Variants in SGCD observed in about 807,000 individuals in gnomAD.
The protein encoded by SGCD is delta-sarcoglycan.
Under a neutral mutation model 36.6 loss-of-function variants are expected in SGCD, and 18 were observed. That is an observed-to-expected ratio of 0.49 (90% CI 0.34 to 0.73). The LOEUF is 0.73. SGCD is among the 30% of genes least tolerant of loss of function. The probability of loss-of-function intolerance (pLI) is 0.01; values close to 1 mark genes in which losing one functional copy is unlikely to be tolerated. For missense variants in SGCD, 387 were observed against 346.7 expected, an observed-to-expected ratio of 1.12 and a Z score of -0.92; for synonymous variants, 133 against 130.6, an observed-to-expected ratio of 1.02 and a Z score of -0.12.
At chr5:156,344,718 AG>A (rs1266033383) in intron 3 of SGCD, 41 bp downstream of exon 3, 1 of 1,477,696 alleles carries the variant, frequency 6.8e-7, no homozygotes, top group Non-Finnish European at 9.3e-7. Context: ...TTCTTCCGGG[AG>A]GGGAAGCGTG....
chr5:156,155,998 T>C (rs1762952991), intron 3 of SGCD, among the ~76,000 whole-genome samples: 1 of 151,726 alleles, frequency 6.6e-6, no homozygotes, highest in African/African-American at 2.4e-5. Flanking sequence ...TCAATTGACC[T>C]GCCAAAATTC....
In SGCD at chr5:155,950,859, G is replaced by A. The variant is rs1454409817; in HGVS notation, c.-282+80435G>A. ...ATAATTATTGATTCCTGTGCTGAAG[G>A]CAGGAAACCCTCTCACCTAAAAATC... On this transcript the variant is annotated intron_variant, in intron 1 of 9. Coordinates refer to the SGCD transcript ENST00000517913. Among the ~76,000 whole-genome samples, 3 of 152,202 alleles carry A rather than the reference G, an allele frequency of 2.0e-5. No individual in the cohort carries two copies. The East Asian group carries it at 5.8e-4, about 29-fold the overall frequency.
intron 1 of SGCD, among the ~76,000 whole-genome samples, chr5:156,062,445 C>T (rs1446003994): frequency 1.8e-5 from 2 of 113,212 alleles, no homozygotes; most frequent in Non-Finnish European, 3.6e-5. Context: ...TGGGTATATA[C>T]CCAGTAATGG....
At chr5:156,504,332 CA>C (rs1484126686) in intron 3 of SGCD, among the ~76,000 whole-genome samples, 1 of 147,704 alleles carries the variant, frequency 6.8e-6, no homozygotes, top group African/African-American at 2.5e-5. Context: ...AATTTTTCTC[CA>C]ATAAAATTTC....
intron 7 of SGCD, among the ~76,000 whole-genome samples, chr5:156,734,587 A>AT (rs1308960910): frequency 2.0e-5 from 3 of 151,664 alleles, no homozygotes; most frequent in Non-Finnish European, 2.9e-5. Context: ...CCATTTCATT[A>AT]TTTTTTCTCT....
chr5:156,506,592 C>T (rs559393544), intron 3 of SGCD, among the ~76,000 whole-genome samples: 3 of 152,090 alleles, frequency 2.0e-5, no homozygotes, highest in Non-Finnish European at 2.9e-5. Flanking sequence ...TCAAAGACTA[C>T]GTGGCTATAT....
intron 3 of SGCD, among the ~76,000 whole-genome samples, chr5:156,484,332 A>T (rs1219630735): frequency 6.6e-6 from 1 of 152,238 alleles, no homozygotes; most frequent in Non-Finnish European, 1.5e-5. Context: ...CATGTACTAC[A>T]CTAGGTGACT....
intron 1 of SGCD, among the ~76,000 whole-genome samples, chr5:156,012,331 A>C (rs963927354): frequency 6.6e-6 from 1 of 152,206 alleles, no homozygotes; most frequent in Non-Finnish European, 1.5e-5. Flanking sequence ...CAGAGTAGCA[A>C]TCAATACCAC....
intron 3 of SGCD, among the ~76,000 whole-genome samples, chr5:156,129,896 G>A (rs570730089): frequency 1.1e-4 from 16 of 152,184 alleles, no homozygotes; most frequent in Admixed American, 7.8e-4. Context: ...GCCATTGATG[G>A]GCATTTAGGT....
At chr5:155,757,510 T>G in the SGCD span, among the ~76,000 whole-genome samples, 11 of 152,328 alleles carry the variant, frequency 7.2e-5, no homozygotes, top group Non-Finnish European at 1.6e-4. Context: ...AGTGCCTTGT[T>G]TAGCCCTAAA....
At chr5:155,962,908 G>A (rs745677939) in intron 1 of SGCD, among the ~76,000 whole-genome samples, 4 of 152,012 alleles carry the variant, frequency 2.6e-5, no homozygotes, top group African/African-American at 4.8e-5. Flanking sequence ...CCCTCATTTC[G>A]GCAACTCTGC....
intron 1 of SGCD, among the ~76,000 whole-genome samples, chr5:155,959,907 G>A (rs554996036): frequency 1.3e-5 from 2 of 152,004 alleles, no homozygotes; most frequent in Non-Finnish European, 2.9e-5. Flanking sequence ...CATGCTAGTC[G>A]ATTTCAGAAG....
At chr5:155,949,097 T>G (rs571672983) in intron 1 of SGCD, among the ~76,000 whole-genome samples, 80 of 152,316 alleles carry the variant, frequency 5.3e-4, no homozygotes, top group African/African-American at 1.9e-3. Flanking sequence ...TCCTAAATAC[T>G]GATTGCTGCA....
At chr5:156,729,323 T>C (rs770349516) in intron 7 of SGCD, among the ~76,000 whole-genome samples, 10 of 152,214 alleles carry the variant, frequency 6.6e-5, no homozygotes, top group African/African-American at 1.4e-4. Flanking sequence ...CTGACTGGCA[T>C]TGACAGTAAG....
chr5:156,185,212 CTTTTTTTT>C (rs755578762), intron 3 of SGCD, among the ~76,000 whole-genome samples: 1 of 113,230 alleles, frequency 8.8e-6, no homozygotes, highest in African/African-American at 3.5e-5. Context: ...CTTTAATTTT[CTTTTTTTT>C]TTTTTTTTTT....
intron 3 of SGCD, among the ~76,000 whole-genome samples, chr5:156,199,329 C>T (rs4704992): frequency 2.0e-5 from 3 of 151,880 alleles, no homozygotes; most frequent in Middle Eastern, 3.4e-3. Context: ...GGCCCCAAAT[C>T]AGGCATCTGA....
At chr5:156,597,541 A>G (rs1043123294) in intron 6 of SGCD, among the ~76,000 whole-genome samples, 21 of 152,282 alleles carry the variant, frequency 1.4e-4, no homozygotes, top group African/African-American at 4.1e-4. Context: ...ACCCACCCCT[A>G]TGATTCAATT....
chr5:156,761,664 A>C lies in SGCD; in HGVS notation c.*2274A>C, dbSNP rs904574559. ...ACTGTCTTTGCATTTTGCCATCTGAAGTTCATTAATCTTTAGATGACAAAA... is the reference window on the plus strand; with the variant it reads ...ACTGTCTTTGCATTTTGCCATCTGACGTTCATTAATCTTTAGATGACAAAA... On this transcript the variant is annotated 3_prime_UTR_variant, in exon 9 of 9. Transcript: ENST00000337851. The C allele has an allele frequency of 6.6e-6, 1 of 152,192 alleles. No homozygotes were observed. The highest frequency in any genetic ancestry group is 1.5e-5 in the Non-Finnish European group (1 of 68,048). 9.4% of individuals were successfully genotyped at this position (152,192 alleles called of 1,614,324 possible). A position where few individuals can be genotyped will look rare whatever the true frequency, so the allele number is the denominator to read the frequency against.
chr5:155,820,986 A>C, the SGCD span, among the ~76,000 whole-genome samples: 1 of 152,074 alleles, frequency 6.6e-6, no homozygotes, highest in Non-Finnish European at 1.5e-5. Context: ...TGGGGCTTCG[A>C]TGGGGTAGTA....
Sources: gnomAD v4.1 joint callset for allele counts (sites outside exome capture counted in the v4.1 genomes callset) on GRCh38, gnomAD v4.1.1 for gene constraint, MANE v1.5 for transcripts, NCBI Gene and HGNC (gene_info 2026-07-23, HGNC 2026-07-21) for gene names.